Variants in SGCD observed in about 807,000 individuals in gnomAD.
SGCD encodes the protein sarcoglycan delta.
In SGCD, 18 loss-of-function variants were observed where a neutral mutation model predicts 36.6. The observed-to-expected ratio is 0.49, with a 90% CI of 0.34 to 0.73. The LOEUF (loss-of-function observed/expected upper bound fraction) is 0.73. SGCD is among the 30% of genes least tolerant of loss of function. The probability of loss-of-function intolerance (pLI) is 0.01; values close to 1 mark genes in which losing one functional copy is unlikely to be tolerated. For missense variants in SGCD, 387 were observed against 346.7 expected, an observed-to-expected ratio of 1.12 and a Z score of -0.92; for synonymous variants, 133 against 130.6, an observed-to-expected ratio of 1.02 and a Z score of -0.12.
At chr5:156,602,201 G>T (rs528817243) in intron 6 of SGCD, among the ~76,000 whole-genome samples, 4 of 151,804 alleles carry the variant, frequency 2.6e-5, no homozygotes, top group African/African-American at 9.7e-5. Context: ...CTTATTTTTC[G>T]TAGCTATTGT....
intron 3 of SGCD, among the ~76,000 whole-genome samples, chr5:156,360,907 G>C (rs1392696864): frequency 6.6e-6 from 1 of 152,088 alleles, no homozygotes; most frequent in Non-Finnish European, 1.5e-5. Flanking sequence ...CCAAGAGTAG[G>C]TACCCAGAAA....
intron 1 of SGCD, among the ~76,000 whole-genome samples, chr5:156,075,540 G>A (rs181213347): frequency 1.2e-4 from 19 of 152,236 alleles, no homozygotes; most frequent in African/African-American, 4.1e-4. Flanking sequence ...GGATTTAAGG[G>A]TTGGAATCAA....
chr5:155,904,799 AT>A (rs1291336379), intron 1 of SGCD, among the ~76,000 whole-genome samples: 1 of 152,190 alleles, frequency 6.6e-6, no homozygotes, highest in Non-Finnish European at 1.5e-5. Flanking sequence ...AATATGCATC[AT>A]TTGTTTGTTG....
intron 4 of SGCD, among the ~76,000 whole-genome samples, chr5:156,543,362 TTGC>T (rs904301787): frequency 2.0e-5 from 3 of 152,194 alleles, no homozygotes; most frequent in African/African-American, 7.2e-5. Context: ...TAACAGGTGC[TTGC>T]TAAGTGCTGC....
At chr5:156,329,910 G>A (rs1202116162) in intron 2 of SGCD, among the ~76,000 whole-genome samples, 13 of 151,068 alleles carry the variant, frequency 8.6e-5, no homozygotes, top group Admixed American at 8.6e-4. Flanking sequence ...CCAGCTACTC[G>A]GGAGGCTGAT....
chr5:156,245,464 T>C (rs982656647), intron 3 of SGCD, among the ~76,000 whole-genome samples: 1 of 152,058 alleles, frequency 6.6e-6, no homozygotes, highest in African/African-American at 2.4e-5. Context: ...AACTGTGAGG[T>C]GAAAACCCTG....
chr5:156,756,390 A>G (rs1431383575), intron 7 of SGCD, among the ~76,000 whole-genome samples: 2 of 152,202 alleles, frequency 1.3e-5, no homozygotes, highest in African/African-American at 4.8e-5. Context: ...TCTACAAAAA[A>G]TTTAAAAATT....
At chr5:156,111,137 G>T (rs76016813) in intron 1 of SGCD, among the ~76,000 whole-genome samples, 2 of 152,160 alleles carry the variant, frequency 1.3e-5, no homozygotes, top group African/African-American at 4.8e-5. Context: ...AGAGAAAGTC[G>T]CAAATTACCC....
intron 3 of SGCD, among the ~76,000 whole-genome samples, chr5:156,419,752 T>C (rs979531450): frequency 1.3e-5 from 2 of 152,190 alleles, no homozygotes; most frequent in Middle Eastern, 3.2e-3. Flanking sequence ...GATCTTTTAC[T>C]GAACTATTTT....
chr5:156,275,614 G>T (rs1043523714), intron 3 of SGCD, among the ~76,000 whole-genome samples: 1 of 152,118 alleles, frequency 6.6e-6, no homozygotes, highest in Non-Finnish European at 1.5e-5. Flanking sequence ...ATTTCCTCAT[G>T]CTGGCTTCAG....
intron 7 of SGCD, among the ~76,000 whole-genome samples, chr5:156,725,401 G>C (rs1262611327): frequency 5.3e-5 from 8 of 152,202 alleles, no homozygotes; most frequent in Non-Finnish European, 2.9e-5. Flanking sequence ...GAGTAAAGCT[G>C]TGTTAGCCCT....
intron 1 of SGCD, among the ~76,000 whole-genome samples, chr5:155,902,122 G>C (rs1008469612): frequency 4.6e-5 from 7 of 152,166 alleles, no homozygotes; most frequent in Admixed American, 4.6e-4. Flanking sequence ...TTGTGTTGAA[G>C]CTATTTCTAA....
chr5:156,529,677 A>G (rs990772420), intron 4 of SGCD, among the ~76,000 whole-genome samples: 10 of 152,204 alleles, frequency 6.6e-5, no homozygotes, highest in African/African-American at 2.4e-4. Flanking sequence ...TGTCAAAAAC[A>G]CTGATAATTT....
intron 4 of SGCD, among the ~76,000 whole-genome samples, chr5:156,579,192 G>A (rs1199342128): frequency 2.0e-5 from 3 of 152,160 alleles, no homozygotes; most frequent in African/African-American, 7.2e-5. Flanking sequence ...TCAGGAGCAG[G>A]TTGTTCAGTT....
chr5:156,615,567 G>C (rs1489581523), intron 6 of SGCD, among the ~76,000 whole-genome samples: 1 of 152,118 alleles, frequency 6.6e-6, no homozygotes, highest in African/African-American at 2.4e-5. Flanking sequence ...GATAATTTCA[G>C]TGAAAGGGGT....
rs7715974 is a variant in SGCD at position 156,251,362 on chromosome 5, C to T, written c.-43-78172C>T. Among the ~76,000 whole-genome samples, 60 of 152,218 alleles carry T rather than the reference C, an allele frequency of 3.9e-4. 1 individual carries two copies. The highest frequency in any genetic ancestry group is 1.4e-3 in the African/African-American group (58 of 41,522). ...ACCCTCTGATCTTTTGCCTAGACCCCCTTTTCCCTCTAAAGCAACTACTGT... is the reference window on the plus strand; with the variant it reads ...ACCCTCTGATCTTTTGCCTAGACCCTCTTTTCCCTCTAAAGCAACTACTGT... On this transcript the variant is annotated intron_variant, in intron 3 of 9. Transcript: ENST00000517913.
chr5:156,001,915 A>G (rs1017670531), intron 1 of SGCD, among the ~76,000 whole-genome samples: 1 of 152,220 alleles, frequency 6.6e-6, no homozygotes, highest in Non-Finnish European at 1.5e-5. Context: ...ATGTACTTCT[A>G]AGGAGCTCCA....
chr5:156,577,373 T>G (rs1760009950), intron 4 of SGCD, among the ~76,000 whole-genome samples: 1 of 152,242 alleles, frequency 6.6e-6, no homozygotes, highest in South Asian at 2.1e-4. Flanking sequence ...CTTTGTTCTT[T>G]TTGCTTAGGA....
At chr5:156,713,932 C>T (rs1220704612) in intron 7 of SGCD, among the ~76,000 whole-genome samples, 2 of 152,240 alleles carry the variant, frequency 1.3e-5, no homozygotes. Context: ...CTAATTGTGG[C>T]ATTCACAGAG....
Sources: gnomAD v4.1 joint callset for allele counts (sites outside exome capture counted in the v4.1 genomes callset) on GRCh38, gnomAD v4.1.1 for gene constraint, MANE v1.5 for transcripts, NCBI Gene and HGNC (gene_info 2026-07-23, HGNC 2026-07-21) for gene names.